NBAS: variants seen among roughly 807,000 people sequenced by gnomAD.
NBAS encodes NBAS subunit of NRZ tethering complex.
In NBAS, 219 loss-of-function variants were observed where a neutral mutation model predicts 302.5. The ratio of observed to expected loss-of-function variants is 0.72; its 90% CI spans 0.65 to 0.81. The LOEUF is 0.81. Ranked by LOEUF, NBAS falls within the 30% of genes least tolerant of loss-of-function variation. NBAS has a pLI of 0.00. For missense variants in NBAS, 2,932 were observed against 2,841.6 expected (o/e 1.03, Z -0.72); for synonymous variants, 1,118 against 1,021.6 (o/e 1.09, Z -1.80).
chr2:14,887,399 C>CAAAAAAAAAAAAAAAAAAAAA, the NBAS span, among the ~76,000 whole-genome samples: 11 of 84,614 alleles, frequency 1.3e-4, no homozygotes, highest in African/African-American at 4.1e-4. Context: ...TGAGACTCCT[C>CAAAAAAAAAAAAAAAAAAAAA]AAAAAAAAAA....
intron 23 of NBAS, among the ~76,000 whole-genome samples, chr2:15,421,448 TCAC>T (rs2148472185): frequency 6.6e-6 from 1 of 152,220 alleles, no homozygotes; most frequent in Non-Finnish European, 1.5e-5. Context: ...CAGATAAAAT[TCAC>T]CACAATAAAC....
rs137980694 is a variant in NBAS at position 15,463,432 on chromosome 2, G to A, written c.2098-1641C>T. 6.4e-3 allele frequency among the ~76,000 whole-genome samples: 970 copies of A among 152,060 alleles called. 10 individuals are homozygous for A. Among genetic ancestry groups the A allele is most frequent in the African/African-American group, 0.022 (910 of 41,482 alleles). On this transcript the variant is annotated intron_variant, in intron 19 of 51. Transcript: ENST00000281513. Reference sequence around the variant, plus strand: ...GTCTAACCCCGACTCTGTGATCACCGCTCCTAATCTTCCTAGTCGCATACT... The same window carrying A: ...GTCTAACCCCGACTCTGTGATCACCACTCCTAATCTTCCTAGTCGCATACT...
intron 14 of NBAS, among the ~76,000 whole-genome samples, chr2:15,474,562 T>G (rs940518730): frequency 6.6e-6 from 1 of 151,548 alleles, no homozygotes; most frequent in East Asian, 1.9e-4. Context: ...CTTCTTCTTC[T>G]TCTTCTTCTT....
chr2:14,874,886 AC>A, the NBAS span, among the ~76,000 whole-genome samples: 1 of 152,166 alleles, frequency 6.6e-6, no homozygotes, highest in Non-Finnish European at 1.5e-5. Flanking sequence ...CTACTAAGAA[AC>A]TAAAAAAACA....
At chr2:15,159,473 G>T in the NBAS span, among the ~76,000 whole-genome samples, 3 of 152,070 alleles carry the variant, frequency 2.0e-5, no homozygotes, top group Non-Finnish European at 4.4e-5. Context: ...CAACATGGAC[G>T]AAACTTGAGA....
Position 15,275,525 on chromosome 2 carries a change from C to T in NBAS, c.5683G>A (p.Val1895Met). 6.2e-7 allele frequency: 1 copy of T among 1,614,062 alleles called. No homozygotes were observed. Among genetic ancestry groups the T allele is most frequent in the Non-Finnish European group, 8.5e-7 (1 of 1,180,008 alleles). The change falls in exon 44 of 52, where the codon GTG becomes ATG. Residue 1895 changes from valine to methionine, a missense_variant. Val to Met is a conservative substitution (Grantham distance 21, BLOSUM62 1). Coordinates refer to ENST00000281513, the MANE Select transcript of NBAS (RefSeq NM_015909.4). ...DRLHPGDLIT[V>M]VDAVTFSPKA... is the part of the protein sequence containing the mutation. ...GGAGAAAATGTAACTGCATCTACCA[C>T]AGTGATGAGGTCACCTGGGTGGAGA... is the stretch of plus-strand genomic sequence containing the variant.
At chr2:15,119,704 G>A in the NBAS span, among the ~76,000 whole-genome samples, 1 of 152,152 alleles carries the variant, frequency 6.6e-6, no homozygotes, top group Non-Finnish European at 1.5e-5. Context: ...ATCTGGCTGT[G>A]GGAAGGGCAG....
the NBAS span, among the ~76,000 whole-genome samples, chr2:15,060,994 T>TA: frequency 6.6e-6 from 1 of 151,942 alleles, no homozygotes; most frequent in African/African-American, 2.4e-5. Context: ...GTAACACGTG[T>TA]AAAAAAAATT....
At chr2:15,366,443 G>A in intron 32 of NBAS, 137 bp downstream of exon 32, 1 of 822,634 alleles carries the variant, frequency 1.2e-6, no homozygotes, top group Non-Finnish European at 2.0e-6. Flanking sequence ...ACTCCAGCCT[G>A]AGCAACAGAG....
At chr2:15,448,258 T>C (rs1054499731) in intron 21 of NBAS, among the ~76,000 whole-genome samples, 2 of 152,200 alleles carry the variant, frequency 1.3e-5, no homozygotes, top group African/African-American at 4.8e-5. Flanking sequence ...TATAATATAA[T>C]GTATATTCCT....
chr2:15,512,665 G>A (rs1662202996), intron 9 of NBAS, among the ~76,000 whole-genome samples: 1 of 152,150 alleles, frequency 6.6e-6, no homozygotes, highest in Non-Finnish European at 1.5e-5. Flanking sequence ...GGCCACCGCT[G>A]GCTTTGAAGG....
the NBAS span, among the ~76,000 whole-genome samples, chr2:14,972,478 C>A: frequency 6.6e-6 from 1 of 151,966 alleles, no homozygotes; most frequent in East Asian, 1.9e-4. Flanking sequence ...CAAATGGTAC[C>A]CTCTGTTAAA....
At chr2:14,969,951 G>A in the NBAS span, among the ~76,000 whole-genome samples, 1 of 152,198 alleles carries the variant, frequency 6.6e-6, no homozygotes, top group African/African-American at 2.4e-5. Flanking sequence ...CTCTCATCAG[G>A]AGAATATCTG....
chr2:14,989,036 T>C, the NBAS span, among the ~76,000 whole-genome samples: 1 of 152,092 alleles, frequency 6.6e-6, no homozygotes. Flanking sequence ...AATAAAAGAA[T>C]AAAGTTAAAA....
chr2:15,198,893 G>T (rs868728695), intron 48 of NBAS, among the ~76,000 whole-genome samples: 1 of 152,084 alleles, frequency 6.6e-6, no homozygotes, highest in Non-Finnish European at 1.5e-5. Flanking sequence ...TTGGGAGGCC[G>T]AGGCGGGTGG....
intron 51 of NBAS, among the ~76,000 whole-genome samples, chr2:15,175,914 G>T (rs1435735067): frequency 6.6e-6 from 1 of 152,094 alleles, no homozygotes; most frequent in African/African-American, 2.4e-5. Flanking sequence ...AACAAGTGGG[G>T]GTGTTTTTAA....
chr2:15,051,332 G>A, the NBAS span, among the ~76,000 whole-genome samples: 1 of 152,176 alleles, frequency 6.6e-6, no homozygotes, highest in Non-Finnish European at 1.5e-5. Flanking sequence ...GAGCTGGCCA[G>A]GTGAAATGTG....
chr2:14,821,923 C>T, the NBAS span, among the ~76,000 whole-genome samples: 2 of 151,832 alleles, frequency 1.3e-5, no homozygotes, highest in African/African-American at 2.4e-5. Flanking sequence ...ATCCCAGCTA[C>T]TTGGGAGGCT....
At chr2:15,207,396 G>A (rs907959395) in intron 48 of NBAS, among the ~76,000 whole-genome samples, 1 of 152,140 alleles carries the variant, frequency 6.6e-6, no homozygotes, top group Non-Finnish European at 1.5e-5. Context: ...AACTCGTCTT[G>A]TCTCAGTCTC....
Sources: allele counts gnomAD v4.1 joint callset (sites outside exome capture counted in the v4.1 genomes callset), GRCh38; gene constraint gnomAD v4.1.1; transcripts MANE v1.5; gene names NCBI Gene and HGNC (gene_info 2026-07-23, HGNC 2026-07-21).